The following DLGAP2 variants were observed in gnomAD, a reference collection of about 807,000 sequenced individuals.
The protein encoded by DLGAP2 is DLG associated protein 2.
DLGAP2 carries 26 observed loss-of-function variants against 100.3 expected under a neutral mutation model. That is an observed-to-expected ratio of 0.26 (90% CI 0.19 to 0.36). DLGAP2 has a LOEUF of 0.36. DLGAP2 is among the 10% of genes least tolerant of loss of function. The pLI is 1.00. For missense variants in DLGAP2, 1,858 were observed against 1,453.2 expected (o/e 1.28, Z -4.53); for synonymous variants, 886 against 630.1 (o/e 1.41, Z -6.08).
intron 2 of DLGAP2, among the ~76,000 whole-genome samples, chr8:1,057,297 A>G (rs1318421466): frequency 6.6e-6 from 1 of 152,252 alleles, no homozygotes; most frequent in African/African-American, 2.4e-5. Context: ...CATTGAAGTT[A>G]GCCATCTGTA....
chr8:1,341,477 A>T (rs1163126903), intron 3 of DLGAP2, among the ~76,000 whole-genome samples: 1 of 152,220 alleles, frequency 6.6e-6, no homozygotes, highest in Non-Finnish European at 1.5e-5. Flanking sequence ...GGCGTATTTA[A>T]TGGAATACCC....
At position 1,481,517 on chromosome 8, in the gene DLGAP2, C is replaced by T. The variant is rs1176386366; in HGVS notation, c.107-19849C>T. On this transcript the variant is annotated intron_variant, in intron 3 of 14. Coordinates refer to ENST00000637795, the MANE Select transcript of DLGAP2 (RefSeq NM_001346810.2). ...TTTTGAGATGGAGTTTTGCTTTTGTCGCCCAGGCTGGAGTGCAGTGGTATG... is the reference window on the plus strand; with the variant it reads ...TTTTGAGATGGAGTTTTGCTTTTGTTGCCCAGGCTGGAGTGCAGTGGTATG... 1.0e-4 allele frequency among the ~76,000 whole-genome samples: 4 copies of T among 39,854 alleles called. No homozygotes were observed. The Admixed American group carries it at 1.9e-3, about 19-fold the overall frequency. The allele number at this position is 39,854 out of a possible 152,430, so 26.1% of individuals were successfully genotyped here.
chr8:1,000,997 T>C (rs1800939629), intron 2 of DLGAP2, among the ~76,000 whole-genome samples: 1 of 152,220 alleles, frequency 6.6e-6, no homozygotes, highest in African/African-American at 2.4e-5. Context: ...CCCTGTTCGC[T>C]GTGCCATTTA....
chr8:1,586,328 C>G (rs1464235530), intron 6 of DLGAP2, among the ~76,000 whole-genome samples: 1 of 152,214 alleles, frequency 6.6e-6, no homozygotes, highest in Admixed American at 6.5e-5. Context: ...CCCCCTGTTT[C>G]CAGAGGCCAC....
At chr8:1,079,013 T>C (rs1803713281) in intron 2 of DLGAP2, among the ~76,000 whole-genome samples, 1 of 152,226 alleles carries the variant, frequency 6.6e-6, no homozygotes, top group Admixed American at 6.5e-5. Context: ...CATTTTGTAC[T>C]CCCACCAGCA....
chr8:1,271,506 G>T (rs115626099), intron 3 of DLGAP2, among the ~76,000 whole-genome samples: 1 of 152,064 alleles, frequency 6.6e-6, no homozygotes, highest in African/African-American at 2.4e-5. Flanking sequence ...TCTGAGTACC[G>T]AGGAAACACA....
At position 1,491,083 on chromosome 8, in the gene DLGAP2, A is replaced by AAAAAAAAG. The variant is rs1387879237; in HGVS notation, c.107-10276_107-10275insGAAAAAAA. 7.6e-3 allele frequency among the ~76,000 whole-genome samples: 1,111 copies of AAAAAAAAG among 146,582 alleles called. 23 individuals carry two copies. The highest frequency in any genetic ancestry group is 0.026 in the African/African-American group (1,060 of 40,272). On this transcript the variant is annotated intron_variant, in intron 3 of 14. Transcript: ENST00000637795. ...ATAAAAATAAACTGGAAACCAAAAA[A>AAAAAAAAG]AAAAAAAAACCCAAAAATAAAATCA... is the stretch of plus-strand genomic sequence containing the variant.
chr8:1,320,043 TG>T (rs1396238700), intron 3 of DLGAP2, among the ~76,000 whole-genome samples: 1 of 152,036 alleles, frequency 6.6e-6, no homozygotes. Context: ...TTGCGGCCTC[TG>T]GGCCCAGGGA....
At chr8:1,142,662 C>A (rs192201620) in intron 2 of DLGAP2, among the ~76,000 whole-genome samples, 1 of 152,112 alleles carries the variant, frequency 6.6e-6, no homozygotes, top group East Asian at 1.9e-4. Context: ...GTGGTAACAG[C>A]TGTTCCGTTG....
At chr8:1,472,321 G>A (rs1357021870) in intron 3 of DLGAP2, among the ~76,000 whole-genome samples, 4 of 152,236 alleles carry the variant, frequency 2.6e-5, no homozygotes, top group East Asian at 1.9e-4. Flanking sequence ...GAGGCCAGGG[G>A]CGCAGGTGCC....
rs1316617518 is a variant in DLGAP2 at position 1,549,050 on chromosome 8, G to A, written c.597G>A (p.Gln199=). ...ACCTGCTGGACCAGTTCGAGAAGCAGCTGCCGCTGCACCGGGACGGCTTCC... is the reference window on the plus strand; with the variant it reads ...ACCTGCTGGACCAGTTCGAGAAGCAACTGCCGCTGCACCGGGACGGCTTCC... ...PANLLDQFEK[Q]LPLHRDGFHT... Residue 199 remains glutamine, a synonymous_variant, in exon 5 of 15, where the codon CAG becomes CAA. Transcript: ENST00000637795. The A allele has an allele frequency of 6.3e-7, 1 of 1,591,998 alleles. No homozygotes were observed. The highest frequency in any genetic ancestry group is 1.7e-5 in the Admixed American group (1 of 57,860).
At chr8:754,608 C>A (rs1359359725) in intron 1 of DLGAP2, among the ~76,000 whole-genome samples, 1 of 152,176 alleles carries the variant, frequency 6.6e-6, no homozygotes, top group Non-Finnish European at 1.5e-5. Context: ...AATCCCAGTG[C>A]TCTGCGAGGC....
At chr8:1,534,737 C>G (rs1801097110) in intron 4 of DLGAP2, among the ~76,000 whole-genome samples, 1 of 152,106 alleles carries the variant, frequency 6.6e-6, no homozygotes, top group Admixed American at 6.6e-5. Context: ...AGATTAATCA[C>G]AAGGCTGTGT....
intron 2 of DLGAP2, among the ~76,000 whole-genome samples, chr8:1,043,877 C>G (rs1287169562): frequency 6.6e-6 from 1 of 152,036 alleles, no homozygotes; most frequent in Non-Finnish European, 1.5e-5. Flanking sequence ...AAGCGTGCCT[C>G]GCTGCTGGGC....
chr8:1,252,608 A>T (rs1799071641), intron 2 of DLGAP2, among the ~76,000 whole-genome samples: 1 of 152,280 alleles, frequency 6.6e-6, no homozygotes, highest in Non-Finnish European at 1.5e-5. Context: ...AATTGCTTGC[A>T]TGAGTGAGTG....
intron 9 of DLGAP2, 86 bp from the exon 10 acceptor site, chr8:1,669,657 T>C (rs1048983000): frequency 3.9e-6 from 3 of 776,494 alleles, no homozygotes; most frequent in Admixed American, 1.7e-5. Flanking sequence ...TAGCTAGGCA[T>C]GCGGGCGGAG....
rs1798357946 is a variant in DLGAP2, at chr8:905,427, TGA to T, written c.19-2484_19-2483del. 2.6e-5 allele frequency among the ~76,000 whole-genome samples: 4 copies of T among 152,272 alleles called. No homozygotes were observed. In the South Asian group the frequency reaches 8.3e-4, roughly 32 times the overall value. On this transcript the variant is annotated intron_variant, in intron 1 of 14. Coordinates refer to ENST00000637795, the MANE Select transcript of DLGAP2 (RefSeq NM_001346810.2). ...GGGATCATTCGTCATACCATGCGTC[TGA>T]ACTGGTGACTCTCAAGCGATTCCCC... is the stretch of plus-strand genomic sequence containing the variant.
At chr8:1,572,127 G>T (rs1263695317) in intron 6 of DLGAP2, among the ~76,000 whole-genome samples, 19 of 102,524 alleles carry the variant, frequency 1.9e-4, no homozygotes, top group Admixed American at 4.2e-4. Flanking sequence ...GGGTGAACTG[G>T]AGGGGCATCT....
rs541056958 is a variant in DLGAP2 at position 1,278,358 on chromosome 8, G to C, written c.106+19475G>C. On this transcript the variant is annotated intron_variant, in intron 3 of 14. Coordinates refer to ENST00000637795, the MANE Select transcript of DLGAP2 (RefSeq NM_001346810.2). The stretch of plus-strand genomic sequence containing the variant: ...AGAGCCTCAGCTCTCTGGGGACTCT[G>C]CTCCCCATGTCATCGGCGCAGTCGT... Among the ~76,000 whole-genome samples the C allele has an allele frequency of 2.6e-5, 4 of 152,314 alleles. 1 individual carries two copies. Among genetic ancestry groups the C allele is most frequent in the Non-Finnish European group, 4.4e-5 (3 of 68,026 alleles).
Sources: gnomAD v4.1 joint callset for allele counts (sites outside exome capture counted in the v4.1 genomes callset) on GRCh38, gnomAD v4.1.1 for gene constraint, MANE v1.5 for transcripts, NCBI Gene and HGNC (gene_info 2026-07-23, HGNC 2026-07-21) for gene names.